Variants in SNTG1 observed in about 807,000 individuals in gnomAD.
SNTG1 encodes the protein gamma-1-syntrophin.
Under a neutral mutation model 74.7 loss-of-function variants are expected in SNTG1, and 39 were observed. That is an observed-to-expected ratio of 0.52 (90% CI 0.40 to 0.68). The LOEUF is 0.68. SNTG1 is among the 30% of genes least tolerant of loss of function. The pLI is 0.00. For missense variants in SNTG1, 685 were observed against 609.5 expected, an observed-to-expected ratio of 1.12 and a Z score of -1.30; for synonymous variants, 254 against 217.1, an observed-to-expected ratio of 1.17 and a Z score of -1.49.
At chr8:50,703,654 T>C (rs1245974321) in intron 15 of SNTG1, among the ~76,000 whole-genome samples, 1 of 152,156 alleles carries the variant, frequency 6.6e-6, no homozygotes, top group Non-Finnish European at 1.5e-5. Context: ...CTTATCATCA[T>C]TATTATTATG....
At chr8:50,440,436 C>T (rs1372118955) in intron 5 of SNTG1, among the ~76,000 whole-genome samples, 1 of 151,784 alleles carries the variant, frequency 6.6e-6, no homozygotes, top group African/African-American at 2.4e-5. Flanking sequence ...AGTGTTATTA[C>T]AAAAATCTCT....
chr8:50,067,888 C>T (rs999238378), intron 1 of SNTG1, among the ~76,000 whole-genome samples: 5 of 152,150 alleles, frequency 3.3e-5, no homozygotes, highest in African/African-American at 7.2e-5. Flanking sequence ...CTCCATCAAC[C>T]GTTGCTGCAT....
At chr8:50,775,513 T>G (rs1452699129) in intron 18 of SNTG1, among the ~76,000 whole-genome samples, 3 of 151,728 alleles carry the variant, frequency 2.0e-5, no homozygotes, top group Admixed American at 2.0e-4. Context: ...TTAATTATTT[T>G]AAATTTATTG....
At chr8:50,502,606 G>A (rs1585486214) in intron 8 of SNTG1, among the ~76,000 whole-genome samples, 172 bp from the exon 9 acceptor site, 2 of 152,192 alleles carry the variant, frequency 1.3e-5, no homozygotes, top group East Asian at 3.9e-4. Flanking sequence ...GATGAACATT[G>A]ATGGCTCTTA....
chr8:50,102,734 G>T (rs1230331472), intron 1 of SNTG1, among the ~76,000 whole-genome samples: 4 of 151,160 alleles, frequency 2.6e-5, no homozygotes, highest in Non-Finnish European at 5.9e-5. Flanking sequence ...ATTAATTTTT[G>T]TATAAGGTGT....
intron 8 of SNTG1, among the ~76,000 whole-genome samples, chr8:50,451,026 A>G (rs556573678): frequency 5.9e-5 from 9 of 152,278 alleles, no homozygotes; most frequent in African/African-American, 2.2e-4. Flanking sequence ...TGGGCGAAAT[A>G]CATCTCTAAA....
chr8:50,036,066 G>C (rs1309233734), intron 1 of SNTG1, among the ~76,000 whole-genome samples: 1 of 152,168 alleles, frequency 6.6e-6, no homozygotes, highest in East Asian at 1.9e-4. Context: ...AACTCCATTT[G>C]GGATGGTTTA....
intron 2 of SNTG1, among the ~76,000 whole-genome samples, chr8:50,183,503 T>C (rs2083279614): frequency 2.0e-5 from 3 of 152,204 alleles, no homozygotes; most frequent in Non-Finnish European, 4.4e-5. Context: ...CTCAACCCTT[T>C]ACCTTCAAGT....
chr8:50,611,561 A>G (rs979760836), intron 13 of SNTG1, among the ~76,000 whole-genome samples: 10 of 152,150 alleles, frequency 6.6e-5, no homozygotes, highest in Admixed American at 2.6e-4. Flanking sequence ...TCTATTATAC[A>G]CCATAGTAAA....
intron 12 of SNTG1, among the ~76,000 whole-genome samples, chr8:50,559,446 TA>T (rs2094474517): frequency 6.6e-6 from 1 of 151,592 alleles, no homozygotes. Flanking sequence ...AAGAAGTTCA[TA>T]AAAAAATAAA....
At chr8:50,700,792 A>T (rs1237196647) in intron 15 of SNTG1, among the ~76,000 whole-genome samples, 1 of 152,106 alleles carries the variant, frequency 6.6e-6, no homozygotes, top group East Asian at 1.9e-4. Flanking sequence ...TCTCTCCCTC[A>T]CTAAAATGAG....
At chr8:50,441,426 A>G (rs1036225336) in intron 5 of SNTG1, among the ~76,000 whole-genome samples, 5 of 152,256 alleles carry the variant, frequency 3.3e-5, no homozygotes, top group Non-Finnish European at 5.9e-5. Context: ...CAGTGTCCCT[A>G]CGGCTTAATT....
At chr8:49,957,892 G>C (rs746694290) in intron 1 of SNTG1, among the ~76,000 whole-genome samples, 1 of 152,046 alleles carries the variant, frequency 6.6e-6, no homozygotes, top group Non-Finnish European at 1.5e-5. Context: ...TTTGAACCGG[G>C]AGTTGAAGTC....
chr8:50,385,237 C>T (rs528694086), intron 2 of SNTG1, among the ~76,000 whole-genome samples: 1 of 152,318 alleles, frequency 6.6e-6, no homozygotes, highest in East Asian at 1.9e-4. Context: ...TTGAAATCAG[C>T]AGCTTTTTGA....
intron 13 of SNTG1, among the ~76,000 whole-genome samples, chr8:50,616,848 A>T (rs2094888472): frequency 6.6e-6 from 1 of 152,184 alleles, no homozygotes; most frequent in South Asian, 2.1e-4. Flanking sequence ...CATATCACTC[A>T]GCATTAGTGC....
rs1010102462 is a variant in SNTG1, at chr8:50,530,180, C to T, written c.470C>T (p.Ala157Val). The change falls in exon 10 of 19, where the codon GCT becomes GTT. Residue 157 changes from alanine to valine, a missense_variant. By Grantham distance (64) the Ala-to-Val change is moderately conservative. Coordinates refer to ENST00000642720, the MANE Select transcript of SNTG1 (RefSeq NM_018967.5). ...KLPLNEDCACAPSDQSSGTSS... is the reference protein window; with the variant it reads ...KLPLNEDCACVPSDQSSGTSS... ...GTTATGATTTTGTCTCCTGCAGGTG[C>T]TCCAAGTGACCAGAGCAGTGGCACC... The T allele has an allele frequency of 1.2e-6, 2 of 1,613,608 alleles. No homozygotes were observed. The highest frequency in any genetic ancestry group is 8.5e-7 in the Non-Finnish European group (1 of 1,179,676).
At chr8:50,292,009 T>C (rs547217629) in intron 2 of SNTG1, among the ~76,000 whole-genome samples, 12 of 152,056 alleles carry the variant, frequency 7.9e-5, no homozygotes, top group African/African-American at 2.2e-4. Flanking sequence ...GTGTGTGTGC[T>C]CTAATGTTTG....
intron 2 of SNTG1, among the ~76,000 whole-genome samples, chr8:50,309,841 T>C (rs894534531): frequency 6.6e-6 from 1 of 152,218 alleles, no homozygotes; most frequent in African/African-American, 2.4e-5. Context: ...AAAACCTTTT[T>C]ATTGCAACAA....
chr8:50,417,321 T>C (rs181941259), intron 4 of SNTG1, among the ~76,000 whole-genome samples: 1 of 152,178 alleles, frequency 6.6e-6, no homozygotes, highest in African/African-American at 2.4e-5. Flanking sequence ...CTGTATATTC[T>C]GAGACTTAGC....
Sources: allele counts gnomAD v4.1 joint callset (sites outside exome capture counted in the v4.1 genomes callset), GRCh38; gene constraint gnomAD v4.1.1; transcripts MANE v1.5; gene names NCBI Gene and HGNC (gene_info 2026-07-23, HGNC 2026-07-21).